The following UBTD1 variants were observed in gnomAD, a reference collection of about 807,000 sequenced individuals.
UBTD1 encodes ubiquitin domain containing 1.
Under a neutral mutation model 21.7 loss-of-function variants are expected in UBTD1, and 19 were observed. The observed-to-expected ratio is 0.87, with a 90% confidence interval of 0.61 to 1.28. The LOEUF is 1.28. UBTD1 is among the 50% of genes most tolerant of loss of function. The probability of loss-of-function intolerance (pLI) is 0.00; values close to 1 mark genes in which losing one functional copy is unlikely to be tolerated. For missense variants in UBTD1, 282 were observed against 315.1 expected, an observed-to-expected ratio of 0.89 and a Z score of 0.80; for synonymous variants, 116 against 135.1, an observed-to-expected ratio of 0.86 and a Z score of 0.98.
At chr10:97,499,399 C>T (rs2040310898) in intron 1 of UBTD1, 126 bp downstream of exon 1, 2 of 1,237,462 alleles carry the variant, frequency 1.6e-6, no homozygotes, top group South Asian at 1.7e-5. Context: ...ATGGGCTGCT[C>T]CGCAGCCAGA....
At chr10:97,537,313 C>G (rs1430240713) in intron 1 of UBTD1, among the ~76,000 whole-genome samples, 1 of 152,148 alleles carries the variant, frequency 6.6e-6, no homozygotes, top group African/African-American at 2.4e-5. Context: ...TGTCATTTGA[C>G]CATGAAGAAT....
rs550293787 is a variant in UBTD1, at chr10:97,526,224, A to G, written c.70+26951A>G. Among the ~76,000 whole-genome samples the G allele has an allele frequency of 5.9e-5, 9 of 152,362 alleles. No homozygotes were observed. The East Asian group carries it at 1.7e-3, about 29-fold the overall frequency. On this transcript the variant is annotated intron_variant, in intron 1 of 2. Transcript: ENST00000370664. ...CTCTTGTGCACTGCTGGTGGAAGTG[A>G]AAATTGATAGTCTTTCTGGAAAGCA...
At chr10:97,537,363 G>A (rs2040567761) in intron 1 of UBTD1, among the ~76,000 whole-genome samples, 1 of 152,168 alleles carries the variant, frequency 6.6e-6, no homozygotes, top group Non-Finnish European at 1.5e-5. Context: ...GCTGCTCCCA[G>A]GCCAAGCCCA....
chr10:97,551,786 ATTC>A (rs1323760411), intron 1 of UBTD1, among the ~76,000 whole-genome samples: 10 of 152,204 alleles, frequency 6.6e-5, no homozygotes, highest in Admixed American at 6.5e-4. Context: ...TTATGGTATT[ATTC>A]TTATTATTAA....
chr10:97,570,569 C>T lies in UBTD1; in HGVS notation c.*46C>T. On this transcript the variant is annotated 3_prime_UTR_variant, in exon 3 of 3. Coordinates refer to ENST00000370664, the MANE Select transcript of UBTD1 (RefSeq NM_024954.5). This position sits in a 1 kb window ranked among gnomAD's most constrained non-coding sequence, Gnocchi z 6.6. The stretch of plus-strand genomic sequence containing the variant: ...AAGAGGCCCCGCCTGGAGCACTAGG[C>T]CCCCACCCTGCTGCTGCCTTCCAGT... The T allele has an allele frequency of 1.9e-6, 3 of 1,542,706 alleles. No individual in the cohort carries two copies. The highest frequency in any genetic ancestry group is 1.2e-5 in the South Asian group (1 of 82,028).
chr10:97,570,138 G>A lies in UBTD1; in HGVS notation c.299G>A (p.Gly100Asp). 1 of 1,599,720 alleles carries A rather than the reference G, an allele frequency of 6.3e-7. No homozygotes were observed. Among genetic ancestry groups the A allele is most frequent in the Non-Finnish European group, 8.5e-7 (1 of 1,169,986 alleles). Residue 100 changes from glycine (G) to aspartate (D), a missense_variant and splice_region_variant, in exon 3 of 3, where the codon GGC (glycine) becomes GAC (aspartate). Gly to Asp is a moderately conservative substitution (Grantham distance 94, BLOSUM62 -1). Transcript: ENST00000370664. This position sits in a 1 kb window ranked among gnomAD's most constrained non-coding sequence, Gnocchi z 6.6. ...TCTGACAGCCCTGCCTCTCCTACAGGCACCCTCTGTGAATGCTACGATGAG... is the reference window on the plus strand; with the variant it reads ...TCTGACAGCCCTGCCTCTCCTACAGACACCCTCTGTGAATGCTACGATGAG... ...LDGASITLPHGTLCECYDELG... is the reference protein window; with the variant it reads ...LDGASITLPHDTLCECYDELG...
intron 1 of UBTD1, among the ~76,000 whole-genome samples, chr10:97,513,781 T>G (rs1453145210): frequency 6.6e-6 from 1 of 152,082 alleles, no homozygotes; most frequent in Non-Finnish European, 1.5e-5. Flanking sequence ...GGAGCTATTA[T>G]AGTTCACTGC....
In UBTD1 at chr10:97,546,919, G is replaced by C. The variant is rs558985442; in HGVS notation, c.71-20995G>C. Reference sequence around the variant, plus strand: ...ACACACACTCTCTCTCTCTCTCTCTGTCTGTCTCTGTCTCCGTCTCTCTCT... The same window carrying C: ...ACACACACTCTCTCTCTCTCTCTCTCTCTGTCTCTGTCTCCGTCTCTCTCT... On this transcript the variant is annotated intron_variant, in intron 1 of 2. Transcript: ENST00000370664. 2.0e-4 allele frequency among the ~76,000 whole-genome samples: 30 copies of C among 152,060 alleles called. No individual in the cohort carries two copies. The East Asian group carries it at 3.9e-3, about 20-fold the overall frequency.
chr10:97,562,193 C>T (rs1439759276), intron 1 of UBTD1, among the ~76,000 whole-genome samples: 2 of 152,140 alleles, frequency 1.3e-5, no homozygotes, highest in Non-Finnish European at 2.9e-5. Context: ...CACCTGAGGT[C>T]ATGAGTTCGA....
At chr10:97,556,358 C>A (rs1247056389) in intron 1 of UBTD1, among the ~76,000 whole-genome samples, 1 of 152,210 alleles carries the variant, frequency 6.6e-6, no homozygotes, top group Admixed American at 6.5e-5. Flanking sequence ...CAAACACCTT[C>A]TTCAGCTGCT....
At chr10:97,499,322 C>G (rs1272567192) in intron 1 of UBTD1, 49 bp downstream of exon 1, 21 of 1,533,300 alleles carry the variant, frequency 1.4e-5, no homozygotes, top group Middle Eastern at 1.7e-4. Context: ...CCAGTTGTCC[C>G]CCTCCTCGCC....
chr10:97,523,418 A>G (rs1196573407), intron 1 of UBTD1, among the ~76,000 whole-genome samples: 1 of 151,910 alleles, frequency 6.6e-6, no homozygotes, highest in Non-Finnish European at 1.5e-5. Context: ...CATTTTACAG[A>G]TTGGAGAACT....
At chr10:97,535,968 A>AATAATTATTATTATTATT (rs1554865891) in intron 1 of UBTD1, among the ~76,000 whole-genome samples, 1 of 90,164 alleles carries the variant, frequency 1.1e-5, no homozygotes, top group Admixed American at 1.2e-4. Context: ...GTTGGAGAGA[A>AATAATTATTATTATTATT]ATTATTATTA....
Position 97,568,149 on chromosome 10 carries a change from GGC to G in UBTD1, c.298+9_298+10del. Reference sequence around the variant, plus strand: ...GCATCACCCTGCCTCATGGTAAGTGGGCAGGGCCAGGGCTTTATCCCCGCTGG... The same window carrying G: ...GCATCACCCTGCCTCATGGTAAGTGGAGGGCCAGGGCTTTATCCCCGCTGG... On this transcript the variant is annotated intron_variant, in intron 2 of 2. Coordinates refer to ENST00000370664, the MANE Select transcript of UBTD1 (RefSeq NM_024954.5). 1.2e-6 allele frequency: 2 copies of G among 1,613,338 alleles called. No individual in the cohort carries two copies. The highest frequency in any genetic ancestry group is 1.7e-6 in the Non-Finnish European group (2 of 1,179,958).
At chr10:97,567,736 T>C (rs2040724758) in intron 1 of UBTD1, among the ~76,000 whole-genome samples, 178 bp from the exon 2 acceptor site, 1 of 151,944 alleles carries the variant, frequency 6.6e-6, no homozygotes, top group Non-Finnish European at 1.5e-5. Flanking sequence ...CCTAGGTTGG[T>C]TATGTGAAGT....
intron 1 of UBTD1, among the ~76,000 whole-genome samples, chr10:97,560,651 A>C (rs990424318): frequency 1.3e-5 from 2 of 152,074 alleles, no homozygotes; most frequent in African/African-American, 4.8e-5. Context: ...ACCCACCTCT[A>C]ATGCTGGCCA....
intron 1 of UBTD1, among the ~76,000 whole-genome samples, chr10:97,556,951 A>G (rs572383290): frequency 2.8e-4 from 42 of 152,340 alleles, no homozygotes; most frequent in Non-Finnish European, 4.6e-4. Context: ...AAGCCGCCCT[A>G]CAGGATGAGT....
At position 97,570,861 on chromosome 10, in the gene UBTD1, G is replaced by T; in HGVS notation, c.*338G>T. On this transcript the variant is annotated 3_prime_UTR_variant, in exon 3 of 3. Coordinates refer to ENST00000370664, the MANE Select transcript of UBTD1 (RefSeq NM_024954.5). This position sits in a 1 kb window ranked among gnomAD's most constrained non-coding sequence, Gnocchi z 6.6. ...TGGTGCTGCCAGCTGTGCTCACTCT[G>T]GTTTTCTGCTCAGGGTCTGAAGCAG... 3.7e-6 allele frequency: 1 copy of T among 269,472 alleles called. No homozygotes were observed. The highest frequency in any genetic ancestry group is 7.2e-6 in the Non-Finnish European group (1 of 138,882). The allele number at this position is 269,472 out of a possible 1,614,324, so 16.7% of individuals were successfully genotyped here.
At chr10:97,542,385 C>T (rs1344858587) in intron 1 of UBTD1, among the ~76,000 whole-genome samples, 1 of 152,232 alleles carries the variant, frequency 6.6e-6, no homozygotes, top group Non-Finnish European at 1.5e-5. Context: ...TTCTTTGTGC[C>T]CAGAGCAGCT....
Sources: allele counts gnomAD v4.1 joint callset (sites outside exome capture counted in the v4.1 genomes callset), GRCh38; gene constraint gnomAD v4.1.1; non-coding constraint Gnocchi (gnomAD v3.1); transcripts MANE v1.5; gene names NCBI Gene and HGNC (gene_info 2026-07-23, HGNC 2026-07-21).